Variants in FGF14 observed in about 807,000 individuals in gnomAD.
FGF14 encodes the protein fibroblast growth factor 14.
A neutral mutation model predicts 25.5 loss-of-function variants in FGF14; 5 were observed. The observed-to-expected ratio is 0.20, with a 90% CI of 0.10 to 0.41. The LOEUF is 0.41. Among genes scored for constraint, FGF14 ranks in the 10% least tolerant of loss-of-function variants. The probability of loss-of-function intolerance (pLI) is 1.00; values close to 1 mark genes in which losing one functional copy is unlikely to be tolerated. For missense variants in FGF14, 222 were observed against 320.1 expected, an observed-to-expected ratio of 0.69 and a Z score of 2.34; for synonymous variants, 138 against 118.3, an observed-to-expected ratio of 1.17 and a Z score of -1.08.
chr13:101,832,199 G>A (rs75849469), intron 3 of FGF14, among the ~76,000 whole-genome samples: 1,704 of 152,050 alleles, frequency 0.011, 32 homozygotes, highest in African/African-American at 0.039. Flanking sequence ...CACAGGCCAA[G>A]GGATGCTGGA....
At chr13:102,383,158 C>A (rs79924152) in intron 1 of FGF14, among the ~76,000 whole-genome samples, 3,634 of 152,012 alleles carry the variant, frequency 0.024, 152 homozygotes, top group African/African-American at 0.082. Context: ...TCAATCTGGG[C>A]TTAAGAAATG....
At chr13:102,029,758 C>T (rs1251971987) in intron 1 of FGF14, among the ~76,000 whole-genome samples, 1 of 152,016 alleles carries the variant, frequency 6.6e-6, no homozygotes, top group African/African-American at 2.4e-5. Context: ...GAATGCAGTC[C>T]AAAATGGAAA....
Position 101,916,682 on chromosome 13 carries a change from G to A in FGF14, c.-37C>T. 2.0e-6 allele frequency: 3 copies of A among 1,466,230 alleles called. 1 individual carries two copies. The highest frequency in any genetic ancestry group is 2.8e-5 in the South Asian group (2 of 71,104). 90.8% of individuals were successfully genotyped at this position (1,466,230 alleles called of 1,614,324 possible). A position where few individuals can be genotyped will look rare whatever the true frequency, so the allele number is the denominator to read the frequency against. Reference sequence around the variant, plus strand: ...GAACGGGTCCGGGGAGGGAGGGCGCGGGAGGACGGCGAGCCGGGGGCACCG... The same window carrying A: ...GAACGGGTCCGGGGAGGGAGGGCGCAGGAGGACGGCGAGCCGGGGGCACCG... On this transcript the variant is annotated 5_prime_UTR_variant, in exon 1 of 5. Coordinates refer to ENST00000376143, the MANE Select transcript of FGF14 (RefSeq NM_004115.4).
intron 3 of FGF14, among the ~76,000 whole-genome samples, chr13:101,742,841 A>G (rs867930679): frequency 2.0e-5 from 3 of 152,186 alleles, no homozygotes; most frequent in African/African-American, 2.4e-5. Context: ...CCTTGTGGAC[A>G]GGCCGAACTC....
chr13:101,954,751 G>T (rs1296365775), intron 1 of FGF14, among the ~76,000 whole-genome samples: 1 of 152,118 alleles, frequency 6.6e-6, no homozygotes, highest in Non-Finnish European at 1.5e-5. Context: ...CACATGCACA[G>T]CCATAAGATA....
At chr13:102,106,815 A>G (rs2044947580) in intron 1 of FGF14, among the ~76,000 whole-genome samples, 1 of 152,226 alleles carries the variant, frequency 6.6e-6, no homozygotes, top group African/African-American at 2.4e-5. Context: ...CATAGGGGAA[A>G]TACATTATGG....
chr13:102,238,308 A>G (rs2051422476), intron 1 of FGF14, among the ~76,000 whole-genome samples: 1 of 152,200 alleles, frequency 6.6e-6, no homozygotes, highest in African/African-American at 2.4e-5. Flanking sequence ...TTTTCCAGAG[A>G]TGATTTAAAA....
At chr13:102,365,297 T>C (rs1185855604) in intron 1 of FGF14, among the ~76,000 whole-genome samples, 1 of 152,014 alleles carries the variant, frequency 6.6e-6, no homozygotes, top group Non-Finnish European at 1.5e-5. Flanking sequence ...GGGCCATGCC[T>C]GGACAGCCAG....
At chr13:101,842,336 A>G (rs1038063107) in intron 3 of FGF14, among the ~76,000 whole-genome samples, 1 of 152,020 alleles carries the variant, frequency 6.6e-6, no homozygotes, top group African/African-American at 2.4e-5. Flanking sequence ...GCACATTAGC[A>G]GTCCTTTTTA....
intron 1 of FGF14, among the ~76,000 whole-genome samples, chr13:102,360,232 C>A (rs913281983): frequency 6.6e-6 from 1 of 152,168 alleles, no homozygotes; most frequent in African/African-American, 2.4e-5. Context: ...TCATCCCTTT[C>A]GTCAGCTTGT....
chr13:102,220,662 C>A (rs1211527817), intron 1 of FGF14, among the ~76,000 whole-genome samples: 1 of 152,160 alleles, frequency 6.6e-6, no homozygotes, highest in Non-Finnish European at 1.5e-5. Context: ...GCATTATATA[C>A]ATTTTTCAAA....
intron 3 of FGF14, among the ~76,000 whole-genome samples, chr13:101,763,509 T>C (rs1387349480): frequency 6.6e-6 from 1 of 151,822 alleles, no homozygotes; most frequent in Non-Finnish European, 1.5e-5. Flanking sequence ...GGAGTGAAAT[T>C]TGGTCCTGTA....
chr13:102,262,884 C>A (rs1326569366), intron 1 of FGF14, among the ~76,000 whole-genome samples: 2 of 152,124 alleles, frequency 1.3e-5, no homozygotes, highest in Non-Finnish European at 2.9e-5. Context: ...ACCCAGCAAA[C>A]CAATGCGTTC....
At chr13:102,150,007 A>G (rs192736865) in intron 1 of FGF14, among the ~76,000 whole-genome samples, 17 of 152,346 alleles carry the variant, frequency 1.1e-4, no homozygotes, top group African/African-American at 3.8e-4. Flanking sequence ...AGAACCATGT[A>G]TAGGAACCAG....
chr13:102,088,757 AAG>A (rs997421977), intron 1 of FGF14, among the ~76,000 whole-genome samples: 7 of 152,198 alleles, frequency 4.6e-5, no homozygotes, highest in African/African-American at 1.7e-4. Context: ...ATTAAATTAA[AAG>A]AGACACATGT....
At chr13:101,796,415 C>G (rs1212245197) in intron 3 of FGF14, among the ~76,000 whole-genome samples, 1 of 151,962 alleles carries the variant, frequency 6.6e-6, no homozygotes, top group Non-Finnish European at 1.5e-5. Context: ...CCTGAGCATG[C>G]ACTGGGGGGT....
chr13:102,345,095 C>T (rs1194383265), intron 1 of FGF14, among the ~76,000 whole-genome samples: 2 of 152,122 alleles, frequency 1.3e-5, no homozygotes. Flanking sequence ...CACTAACTTG[C>T]TATAAACATC....
At chr13:102,293,959 G>GA (rs1480940051) in intron 1 of FGF14, 1 of 152,104 alleles carries the variant, frequency 6.6e-6, no homozygotes, top group African/African-American at 2.4e-5. Context: ...CACAGAGGGG[G>GA]AAAAATCATG....
At chr13:101,813,562 C>T (rs148088545) in intron 3 of FGF14, among the ~76,000 whole-genome samples, 64 of 152,280 alleles carry the variant, frequency 4.2e-4, no homozygotes, top group Non-Finnish European at 6.8e-4. Context: ...AGTAAATTTC[C>T]GTTCTTCATC....
Sources: allele counts gnomAD v4.1 joint callset (sites outside exome capture counted in the v4.1 genomes callset), GRCh38; gene constraint gnomAD v4.1.1; transcripts MANE v1.5; gene names NCBI Gene and HGNC (gene_info 2026-07-23, HGNC 2026-07-21).